The following SLCO6A1 variants were observed in gnomAD, a reference collection of about 807,000 sequenced individuals.
SLCO6A1 encodes the protein cancer/testis antigen 48.
SLCO6A1 carries 65 observed loss-of-function variants against 72.7 expected under a neutral mutation model. The ratio of observed to expected loss-of-function variants is 0.89; its 90% CI spans 0.73 to 1.10. The LOEUF (loss-of-function observed/expected upper bound fraction) is 1.10, where lower values mean the gene tolerates loss of function less well. Among genes scored for constraint, SLCO6A1 ranks in the 50% least tolerant of loss-of-function variants. The pLI, the probability that SLCO6A1 is intolerant of heterozygous loss-of-function variation, is 0.00. For missense variants in SLCO6A1, 874 were observed against 872.6 expected, an observed-to-expected ratio of 1.00 and a Z score of -0.02; for synonymous variants, 314 against 298.2, an observed-to-expected ratio of 1.05 and a Z score of -0.55.
At chr5:102,373,679 T>C (rs1315872318) in intron 12 of SLCO6A1, among the ~76,000 whole-genome samples, 185 bp from the exon 13 acceptor site, 1 of 91,930 alleles carries the variant, frequency 1.1e-5, no homozygotes, top group Non-Finnish European at 2.7e-5. Context: ...TTTAAATGTT[T>C]ATAATATGTT....
intron 10 of SLCO6A1, among the ~76,000 whole-genome samples, chr5:102,398,085 T>C (rs1006413910): frequency 6.6e-6 from 1 of 152,228 alleles, no homozygotes; most frequent in Non-Finnish European, 1.5e-5. Flanking sequence ...TTTTAGTTAA[T>C]GGAATTATCA....
Position 102,498,707 on chromosome 5 carries a change from T to C in SLCO6A1, c.138A>G (p.Lys46=), listed in dbSNP as rs1753027107. ...KGTPKSSKPG[K]KHRYLRLLPE... ...GAAGTAGTCTCAGATACCGGTGTTT[T>C]TTCCCGGGCTTCGAGGACTTCGGGG... The change falls in exon 1 of 14, where the codon AAA becomes AAG. Residue 46 remains lysine (K), a synonymous_variant. Coordinates refer to ENST00000506729, the MANE Select transcript of SLCO6A1 (RefSeq NM_173488.5). 2 of 1,614,036 alleles carry C rather than the reference T, an allele frequency of 1.2e-6. No homozygotes were observed.
chr5:102,450,189 G>A (rs1750339966), intron 6 of SLCO6A1, among the ~76,000 whole-genome samples: 2 of 152,216 alleles, frequency 1.3e-5, no homozygotes, highest in South Asian at 4.1e-4. Flanking sequence ...TTGTTTGGAA[G>A]TAAAAAGACA....
At chr5:102,443,090 G>C (rs915429641) in intron 6 of SLCO6A1, among the ~76,000 whole-genome samples, 43 of 152,066 alleles carry the variant, frequency 2.8e-4, no homozygotes, top group African/African-American at 1.0e-3. Flanking sequence ...CCAGCTACTC[G>C]GGAGGCTGAG....
intron 4 of SLCO6A1, among the ~76,000 whole-genome samples, chr5:102,466,559 G>A (rs1460829106): frequency 1.3e-5 from 2 of 151,992 alleles, no homozygotes; most frequent in African/African-American, 4.8e-5. Flanking sequence ...TTGCTAGGCT[G>A]AATGGTATTT....
chr5:102,480,184 T>C lies in SLCO6A1; in HGVS notation c.609A>G (p.Gly203=), dbSNP rs150189521. ...TATATTTTAAAACCTTACCTTCAAT[T>C]CCTACCTTACTTTGTTTATTTTCTT... ...INEENKQSKV[G]IEDICEEIKV... is the part of the protein sequence containing the mutation. The change falls in exon 2 of 14, where the codon GGA becomes GGG. Residue 203 remains glycine (G), a synonymous_variant. Transcript: ENST00000506729. 12,162 of 1,606,206 alleles carry C rather than the reference T, an allele frequency of 7.6e-3. 59 individuals are homozygous for C. The highest frequency in any genetic ancestry group is 9.1e-3 in the Non-Finnish European group (10,702 of 1,175,948).
At position 102,498,812 on chromosome 5, in the gene SLCO6A1, G is replaced by A; in HGVS notation, c.33C>T (p.Ser11=). MFVGVARHSG[S]QDEVSRGVEP... is the part of the protein sequence containing the mutation. ...CTACTCCCCTTGAGACTTCATCCTG[G>A]CTCCCAGAGTGCCGGGCGACGCCTA... is the stretch of plus-strand genomic sequence containing the variant. Residue 11 remains serine (S), a synonymous_variant, in exon 1 of 14, where the codon AGC becomes AGT. Coordinates refer to ENST00000506729, the MANE Select transcript of SLCO6A1 (RefSeq NM_173488.5). 2.5e-6 allele frequency: 4 copies of A among 1,612,916 alleles called. No individual in the cohort carries two copies. Among genetic ancestry groups the A allele is most frequent in the Non-Finnish European group, 3.4e-6 (4 of 1,179,734 alleles).
chr5:102,453,581 C>T (rs1750548613), intron 6 of SLCO6A1, among the ~76,000 whole-genome samples: 1 of 152,072 alleles, frequency 6.6e-6, no homozygotes, highest in Non-Finnish European at 1.5e-5. Flanking sequence ...TTTCTGGATT[C>T]TGACTTCCCC....
intron 9 of SLCO6A1, among the ~76,000 whole-genome samples, chr5:102,408,825 AAGAT>A (rs1291164068): frequency 6.6e-6 from 1 of 152,140 alleles, no homozygotes; most frequent in Non-Finnish European, 1.5e-5. Flanking sequence ...AAATAACACA[AAGAT>A]AGGAGGTCAG....
intron 9 of SLCO6A1, among the ~76,000 whole-genome samples, chr5:102,403,553 A>G (rs1158967136): frequency 6.6e-6 from 1 of 152,168 alleles, no homozygotes; most frequent in Admixed American, 6.5e-5. Flanking sequence ...AAGACTTTAT[A>G]TGCTTTAACA....
intron 1 of SLCO6A1, among the ~76,000 whole-genome samples, chr5:102,490,138 T>C (rs1752608958): frequency 6.6e-6 from 1 of 152,128 alleles, no homozygotes; most frequent in African/African-American, 2.4e-5. Context: ...TAAGTTACAG[T>C]TAGATAGGAG....
rs527712098 is a variant in SLCO6A1, at chr5:102,427,322, A to C, written c.1277-7301T>G. ...AAAACAAACAAAAGACAATGAGTAC[A>C]GGGGAGAAACCTGGCAAATGCTACC... On this transcript the variant is annotated intron_variant, in intron 7 of 13. Coordinates refer to ENST00000506729, the MANE Select transcript of SLCO6A1 (RefSeq NM_173488.5). Among the ~76,000 whole-genome samples, 5 of 152,228 alleles carry C rather than the reference A, an allele frequency of 3.3e-5. No individual in the cohort carries two copies. In the South Asian group the frequency reaches 1.0e-3, roughly 32 times the overall value.
At chr5:102,418,193 A>G (rs1169717949) in intron 8 of SLCO6A1, among the ~76,000 whole-genome samples, 1 of 152,022 alleles carries the variant, frequency 6.6e-6, no homozygotes, top group East Asian at 1.9e-4. Flanking sequence ...TACATAAAGT[A>G]TATGTATATG....
At chr5:102,434,586 A>T (rs550932927) in intron 7 of SLCO6A1, among the ~76,000 whole-genome samples, 3 of 152,210 alleles carry the variant, frequency 2.0e-5, no homozygotes, top group Non-Finnish European at 4.4e-5. Context: ...TTAACTTGTT[A>T]GCTTACAGAT....
At chr5:102,403,470 T>C (rs1245977949) in intron 9 of SLCO6A1, among the ~76,000 whole-genome samples, 2 of 152,212 alleles carry the variant, frequency 1.3e-5, no homozygotes, top group Non-Finnish European at 2.9e-5. Flanking sequence ...GTATTTGTTT[T>C]TATTTTCTAA....
At chr5:102,492,214 A>G (rs986003413) in intron 1 of SLCO6A1, among the ~76,000 whole-genome samples, 2 of 152,208 alleles carry the variant, frequency 1.3e-5, no homozygotes, top group Non-Finnish European at 2.9e-5. Context: ...AATCCAAACC[A>G]TATCAGGACT....
intron 12 of SLCO6A1, among the ~76,000 whole-genome samples, chr5:102,385,944 G>A (rs1423030510): frequency 6.6e-6 from 1 of 151,190 alleles, no homozygotes; most frequent in Non-Finnish European, 1.5e-5. Flanking sequence ...CAAGTAGCTG[G>A]AATTACAAAT....
intron 12 of SLCO6A1, among the ~76,000 whole-genome samples, chr5:102,377,096 C>G (rs575257950): frequency 6.6e-6 from 1 of 151,986 alleles, no homozygotes; most frequent in Non-Finnish European, 1.5e-5. Context: ...GACATGAGTT[C>G]GAGGTTACAA....
chr5:102,383,095 A>ATATATATATAT (rs1554064835), intron 12 of SLCO6A1, among the ~76,000 whole-genome samples: 2,268 of 128,466 alleles, frequency 0.018, 63 homozygotes, highest in Non-Finnish European at 0.019. Flanking sequence ...TATGTGTGTG[A>ATATATATATAT]ATATATATAT....
Sources: allele counts gnomAD v4.1 joint callset (sites outside exome capture counted in the v4.1 genomes callset), GRCh38; gene constraint gnomAD v4.1.1; transcripts MANE v1.5; gene names NCBI Gene and HGNC (gene_info 2026-07-23, HGNC 2026-07-21).